Variants in ALMS1 observed in about 807,000 individuals in gnomAD.
ALMS1 encodes the protein ALMS1 centrosome and basal body associated protein.
In ALMS1, 271 loss-of-function variants were observed where a neutral mutation model predicts 352.2. The ratio of observed to expected loss-of-function variants is 0.77; its 90% CI spans 0.70 to 0.85. The LOEUF is 0.85. Among genes scored for constraint, ALMS1 ranks in the 40% least tolerant of loss-of-function variants. The pLI, the probability that ALMS1 is intolerant of heterozygous loss-of-function variation, is 0.00. For missense variants in ALMS1, 5,445 were observed against 4,870.7 expected, an observed-to-expected ratio of 1.12 and a Z score of -3.51; for synonymous variants, 1,865 against 1,761.2, an observed-to-expected ratio of 1.06 and a Z score of -1.48.
intron 1 of ALMS1, among the ~76,000 whole-genome samples, chr2:73,395,105 AGAGTCTCGCTCTGTCACCGAG>A (rs2103641841): frequency 8.8e-6 from 1 of 114,188 alleles, no homozygotes; most frequent in Admixed American, 1.0e-4. Flanking sequence ...TTTTTGAGAC[AGAGTCTCGCTCTGTCACCGAG>A]GCTGGAGTGC....
At chr2:73,555,229 G>A (rs1023517483) in intron 13 of ALMS1, among the ~76,000 whole-genome samples, 4 of 152,186 alleles carry the variant, frequency 2.6e-5, no homozygotes, top group Non-Finnish European at 4.4e-5. Flanking sequence ...CTTATTACAT[G>A]TGTAGCTTAT....
chr2:73,429,424 G>GGT (rs1671457898), intron 6 of ALMS1, among the ~76,000 whole-genome samples: 1 of 151,866 alleles, frequency 6.6e-6, no homozygotes. Flanking sequence ...TGGGATTACA[G>GGT]GTGCCTGCCA....
chr2:73,395,042 GTGTATATATATATA>G, intron 1 of ALMS1, among the ~76,000 whole-genome samples: 1 of 94,998 alleles, frequency 1.1e-5, no homozygotes, highest in Non-Finnish European at 2.0e-5. Context: ...ATATATGTGT[GTGTATATATATATA>G]TGTGTATATA....
At chr2:73,521,538 C>T (rs759157588) in intron 11 of ALMS1, among the ~76,000 whole-genome samples, 11 of 148,420 alleles carry the variant, frequency 7.4e-5, no homozygotes, top group East Asian at 2.0e-4. Context: ...AGATCGAGAC[C>T]GTCCTGGCTA....
At chr2:73,417,889 C>T (rs908178081) in intron 2 of ALMS1, among the ~76,000 whole-genome samples, 28 of 152,256 alleles carry the variant, frequency 1.8e-4, no homozygotes, top group African/African-American at 6.3e-4. Flanking sequence ...GACTTTAATT[C>T]AGCATTGTTA....
At chr2:73,544,585 A>T (rs1425119115) in intron 12 of ALMS1, among the ~76,000 whole-genome samples, 5 of 152,218 alleles carry the variant, frequency 3.3e-5, no homozygotes, top group Non-Finnish European at 7.3e-5. Flanking sequence ...GAGAAATTGG[A>T]ACCATTGCTT....
intron 13 of ALMS1, among the ~76,000 whole-genome samples, chr2:73,554,169 C>T (rs899434186): frequency 3.3e-5 from 5 of 149,612 alleles, no homozygotes; most frequent in African/African-American, 7.4e-5. Flanking sequence ...GAAAAAAATA[C>T]ATTTGGCAAA....
At chr2:73,485,756 G>A (rs556371984) in intron 9 of ALMS1, among the ~76,000 whole-genome samples, 2 of 152,316 alleles carry the variant, frequency 1.3e-5, no homozygotes, top group Admixed American at 6.5e-5. Context: ...TCGGAGCCAG[G>A]TGCGGGGTAT....
intron 2 of ALMS1, among the ~76,000 whole-genome samples, chr2:73,415,252 TAC>T (rs1178061247): frequency 6.6e-6 from 1 of 152,144 alleles, no homozygotes; most frequent in Non-Finnish European, 1.5e-5. Flanking sequence ...ATCAAGAAAA[TAC>T]ATAATGCAGA....
chr2:73,601,687 T>A (rs1413490963), intron 19 of ALMS1, among the ~76,000 whole-genome samples: 1 of 152,210 alleles, frequency 6.6e-6, no homozygotes, highest in African/African-American at 2.4e-5. Flanking sequence ...AGGGAGGATT[T>A]GCATCTCTGC....
At chr2:73,533,744 G>A (rs543229491) in intron 11 of ALMS1, among the ~76,000 whole-genome samples, 1 of 152,148 alleles carries the variant, frequency 6.6e-6, no homozygotes, top group African/African-American at 2.4e-5. Context: ...AGTAAGATGA[G>A]GGCATATTTT....
At chr2:73,537,142 G>C (rs1378293688) in intron 12 of ALMS1, among the ~76,000 whole-genome samples, 2 of 152,186 alleles carry the variant, frequency 1.3e-5, no homozygotes, top group Non-Finnish European at 2.9e-5. Flanking sequence ...GAAGGGGAGG[G>C]AAAGATGTTT....
At chr2:73,395,070 A>AT (rs1558628482) in intron 1 of ALMS1, among the ~76,000 whole-genome samples, 5 of 109,350 alleles carry the variant, frequency 4.6e-5, no homozygotes, top group African/African-American at 1.8e-4. Flanking sequence ...GTATATATAT[A>AT]TATATATATT....
At chr2:73,446,887 T>C (rs1327764777) in intron 7 of ALMS1, among the ~76,000 whole-genome samples, 2 of 152,158 alleles carry the variant, frequency 1.3e-5, no homozygotes, top group Non-Finnish European at 2.9e-5. Context: ...TGAGAAGCAC[T>C]GTTACATGGT....
At chr2:73,524,565 G>C (rs1311139303) in intron 11 of ALMS1, among the ~76,000 whole-genome samples, 1 of 151,984 alleles carries the variant, frequency 6.6e-6, no homozygotes, top group Non-Finnish European at 1.5e-5. Context: ...AAGCAATTCT[G>C]CCTCAGCCTC....
intron 10 of ALMS1, among the ~76,000 whole-genome samples, chr2:73,508,610 C>T (rs946158010): frequency 6.6e-6 from 1 of 151,992 alleles, no homozygotes; most frequent in Non-Finnish European, 1.5e-5. Context: ...GTTTTACTTC[C>T]AATTATGTGG....
intron 6 of ALMS1, among the ~76,000 whole-genome samples, chr2:73,431,863 A>G (rs184767954): frequency 6.6e-6 from 1 of 152,354 alleles, no homozygotes; most frequent in East Asian, 1.9e-4. Flanking sequence ...TGCGATGATC[A>G]TAAGGAGCAA....
At chr2:73,485,631 A>C (rs1301009786) in intron 9 of ALMS1, among the ~76,000 whole-genome samples, 1 of 152,088 alleles carries the variant, frequency 6.6e-6, no homozygotes, top group Admixed American at 6.5e-5. Context: ...TGCTTTGTTT[A>C]CCTAAGCAAG....
Position 73,451,986 on chromosome 2 carries a change from T to C in ALMS1, c.5459T>C (p.Leu1820Ser). The stretch of plus-strand genomic sequence containing the variant: ...CCCATTGTTTCCTACCAGCGAGAGT[T>C]GCCGCATTTTACTGAAGCAGGTTTG... ...EKPIVSYQRE[L>S]PHFTEAGLKI... The change falls in exon 8 of 23, where the codon TTG becomes TCG. Residue 1820 changes from leucine to serine, a missense_variant. Physicochemically the swap from Leu to Ser is moderately radical, Grantham distance 145. Coordinates refer to ENST00000613296, the MANE Select transcript of ALMS1 (RefSeq NM_001378454.1). 1.2e-6 allele frequency: 2 copies of C among 1,613,282 alleles called. No homozygotes were observed. The highest frequency in any genetic ancestry group is 1.7e-6 in the Non-Finnish European group (2 of 1,179,682).
Sources: allele counts gnomAD v4.1 joint callset (sites outside exome capture counted in the v4.1 genomes callset), GRCh38; gene constraint gnomAD v4.1.1; transcripts MANE v1.5; gene names NCBI Gene and HGNC (gene_info 2026-07-23, HGNC 2026-07-21).